The following CPED1 variants were observed in gnomAD, a reference collection of about 807,000 sequenced individuals.
CPED1 encodes the protein cadherin like and PC-esterase domain containing 1.
Under a neutral mutation model 128.2 loss-of-function variants are expected in CPED1, and 114 were observed. The observed-to-expected ratio is 0.89, with a 90% CI of 0.76 to 1.04. CPED1 has a LOEUF of 1.04. CPED1 is among the 50% of genes least tolerant of loss of function. The pLI, the probability that CPED1 is intolerant of heterozygous loss-of-function variation, is 0.00. For synonymous variants in CPED1, 462 were observed against 426.7 expected, an observed-to-expected ratio of 1.08 and a Z score of -1.02; for missense variants, 1,211 against 1,207.1, an observed-to-expected ratio of 1.00 and a Z score of -0.05.
At chr7:121,103,212 G>A (rs562756334) in intron 7 of CPED1, among the ~76,000 whole-genome samples, 62 of 152,124 alleles carry the variant, frequency 4.1e-4, no homozygotes, top group East Asian at 1.5e-3. Context: ...TGCAAGCTGC[G>A]GTTGTAGCAT....
At chr7:121,068,418 T>A (rs1793904719) in intron 5 of CPED1, among the ~76,000 whole-genome samples, 1 of 152,002 alleles carries the variant, frequency 6.6e-6, no homozygotes, top group Admixed American at 6.6e-5. Flanking sequence ...AAAGATCAGA[T>A]AGTTGTAGAT....
At chr7:121,281,650 A>G (rs1792464944) in intron 22 of CPED1, among the ~76,000 whole-genome samples, 1 of 152,200 alleles carries the variant, frequency 6.6e-6, no homozygotes, top group Admixed American at 6.6e-5. Flanking sequence ...TGATCATTTA[A>G]TAGCCTATAA....
chr7:121,010,517 G>A (rs1450778531), intron 2 of CPED1, among the ~76,000 whole-genome samples: 3 of 152,188 alleles, frequency 2.0e-5, no homozygotes, highest in Admixed American at 1.3e-4. Flanking sequence ...CCAAAGTGCT[G>A]GGATTACAGG....
chr7:121,073,549 G>C (rs56360391), intron 5 of CPED1, among the ~76,000 whole-genome samples: 3 of 152,092 alleles, frequency 2.0e-5, no homozygotes, highest in South Asian at 2.1e-4. Flanking sequence ...TGCCCATATC[G>C]TAGAAGGGTT....
chr7:121,139,110 G>A (rs1795845716), intron 14 of CPED1, among the ~76,000 whole-genome samples: 1 of 151,766 alleles, frequency 6.6e-6, no homozygotes, highest in Non-Finnish European at 1.5e-5. Flanking sequence ...GGGGCTGTTA[G>A]GATCGTTGAA....
chr7:121,287,247 C>G (rs1399515124), intron 22 of CPED1, among the ~76,000 whole-genome samples: 4 of 152,120 alleles, frequency 2.6e-5, no homozygotes, highest in African/African-American at 9.6e-5. Flanking sequence ...CTTTTATACC[C>G]CCAACCTCCT....
rs182636509 is a variant in CPED1 at position 121,272,497 on chromosome 7, C to G, written c.2868+1067C>G. On this transcript the variant is annotated intron_variant, in intron 22 of 22. Coordinates refer to ENST00000310396, the MANE Select transcript of CPED1 (RefSeq NM_024913.5). Reference sequence around the variant, plus strand: ...TAATACCTCTCCTCCAAGTAGATTCCTTTTTTGGCTCCTTGGTATCCAACT... The same window carrying G: ...TAATACCTCTCCTCCAAGTAGATTCGTTTTTTGGCTCCTTGGTATCCAACT... 2.3e-3 allele frequency among the ~76,000 whole-genome samples: 351 copies of G among 152,040 alleles called. 1 individual carries two copies. The highest frequency in any genetic ancestry group is 7.7e-3 in the South Asian group (37 of 4,818).
At chr7:121,219,206 CA>C (rs1797824706) in intron 16 of CPED1, among the ~76,000 whole-genome samples, 1 of 152,032 alleles carries the variant, frequency 6.6e-6, no homozygotes, top group African/African-American at 2.4e-5. Context: ...CGAGAAACCA[CA>C]ACAAAGGCTG....
intron 5 of CPED1, among the ~76,000 whole-genome samples, chr7:121,085,921 G>T (rs1185229054): frequency 1.1e-4 from 16 of 152,184 alleles, no homozygotes; most frequent in Admixed American, 1.0e-3. Flanking sequence ...CCCGAACAGA[G>T]TTTGGATACA....
chr7:121,193,268 A>G (rs1300076528), intron 16 of CPED1, among the ~76,000 whole-genome samples: 2 of 152,024 alleles, frequency 1.3e-5, no homozygotes, highest in Admixed American at 6.6e-5. Context: ...TGAAAAAATT[A>G]AAAGAGAAGA....
rs1201608127 is a variant in CPED1 at position 121,109,510 on chromosome 7, C to T, written c.918+9416C>T. On this transcript the variant is annotated intron_variant, in intron 7 of 22. Transcript: ENST00000310396. ...AGCATCCCTTTATTTACATATATATCCGTATTCATATGCACTATGTTTCCC... is the reference window on the plus strand; with the variant it reads ...AGCATCCCTTTATTTACATATATATTCGTATTCATATGCACTATGTTTCCC... 2.0e-5 allele frequency among the ~76,000 whole-genome samples: 3 copies of T among 152,118 alleles called. No homozygotes were observed. In the East Asian group the frequency reaches 5.8e-4, roughly 29 times the overall value.
intron 22 of CPED1, among the ~76,000 whole-genome samples, chr7:121,293,063 C>T (rs976653731): frequency 5.3e-5 from 8 of 152,174 alleles, no homozygotes; most frequent in Non-Finnish European, 1.2e-4. Flanking sequence ...GGGAGATCCT[C>T]TGCTCTCTTC....
chr7:121,119,235 A>AT (rs1250734573), intron 7 of CPED1, among the ~76,000 whole-genome samples: 2 of 53,620 alleles, frequency 3.7e-5, no homozygotes, highest in Admixed American at 5.7e-4. Flanking sequence ...TCTAAAAAAG[A>AT]TATTTTTTTT....
At chr7:121,207,008 T>G (rs1797533286) in intron 16 of CPED1, among the ~76,000 whole-genome samples, 1 of 152,062 alleles carries the variant, frequency 6.6e-6, no homozygotes, top group Non-Finnish European at 1.5e-5. Flanking sequence ...GCTGTAATAG[T>G]GGCCTGCAAC....
At chr7:121,068,028 A>G (rs1273999766) in intron 5 of CPED1, among the ~76,000 whole-genome samples, 1 of 152,048 alleles carries the variant, frequency 6.6e-6, no homozygotes, top group Non-Finnish European at 1.5e-5. Flanking sequence ...TTTGTCAGAT[A>G]AGTAGATTGC....
chr7:121,278,813 A>G (rs1047933827), intron 22 of CPED1, among the ~76,000 whole-genome samples: 1 of 152,172 alleles, frequency 6.6e-6, no homozygotes, highest in Non-Finnish European at 1.5e-5. Context: ...AAGGATAATT[A>G]AATGGAGGGT....
At chr7:121,216,908 A>G (rs1797771217) in intron 16 of CPED1, among the ~76,000 whole-genome samples, 2 of 151,934 alleles carry the variant, frequency 1.3e-5, no homozygotes, top group African/African-American at 4.8e-5. Flanking sequence ...GGTTTGCTCA[A>G]CTGTTACACT....
chr7:121,096,304 G>C (rs2116208848), intron 5 of CPED1, among the ~76,000 whole-genome samples: 2 of 152,274 alleles, frequency 1.3e-5, no homozygotes, highest in South Asian at 4.1e-4. Flanking sequence ...TTACTTAAGA[G>C]TGTGAAGTGT....
intron 18 of CPED1, among the ~76,000 whole-genome samples, chr7:121,245,610 A>T (rs897627645): frequency 6.6e-6 from 1 of 152,222 alleles, no homozygotes. Flanking sequence ...AGATATTATC[A>T]TATCTTTTTT....
Sources: gnomAD v4.1 joint callset for allele counts (sites outside exome capture counted in the v4.1 genomes callset) on GRCh38, gnomAD v4.1.1 for gene constraint, MANE v1.5 for transcripts, NCBI Gene and HGNC (gene_info 2026-07-23, HGNC 2026-07-21) for gene names.